Variants in MEGF11 observed in about 807,000 individuals in gnomAD.
The protein encoded by MEGF11 is multiple EGF like domains 11, also known as multiple epidermal growth factor-like domains protein 11.
Under a neutral mutation model 146.6 loss-of-function variants are expected in MEGF11, and 126 were observed. That is an observed-to-expected ratio of 0.86 (90% CI 0.74 to 1.00). The LOEUF is 1.00. MEGF11 is among the 50% of genes least tolerant of loss of function. The pLI, the probability that MEGF11 is intolerant of heterozygous loss-of-function variation, is 0.00. For missense variants in MEGF11, 1,509 were observed against 1,521.2 expected, an observed-to-expected ratio of 0.99 and a Z score of 0.13; for synonymous variants, 532 against 583.4, an observed-to-expected ratio of 0.91 and a Z score of 1.27.
intron 21 of MEGF11, among the ~76,000 whole-genome samples, chr15:65,910,931 G>A (rs2078783021): frequency 6.6e-6 from 1 of 152,198 alleles, no homozygotes; most frequent in African/African-American, 2.4e-5. Context: ...GGTGTCCAGA[G>A]GTATGCAGCA....
chr15:65,997,866 A>G (rs1305773450), intron 5 of MEGF11, among the ~76,000 whole-genome samples: 1 of 152,258 alleles, frequency 6.6e-6, no homozygotes, highest in Non-Finnish European at 1.5e-5. Context: ...GGGAGGCCAG[A>G]GAGGTCGCTC....
At chr15:66,246,777 C>T (rs1385992713) in intron 1 of MEGF11, among the ~76,000 whole-genome samples, 1 of 152,148 alleles carries the variant, frequency 6.6e-6, no homozygotes, top group Non-Finnish European at 1.5e-5. Flanking sequence ...CACCACTGCA[C>T]TCCAGCCTGG....
At chr15:66,166,661 C>T (rs973752619) in intron 1 of MEGF11, among the ~76,000 whole-genome samples, 24 of 151,834 alleles carry the variant, frequency 1.6e-4, no homozygotes, top group African/African-American at 5.6e-4. Flanking sequence ...CCAGCAAGCT[C>T]GTTCCCAGCT....
chr15:66,095,632 G>A (rs2086513678), intron 4 of MEGF11, among the ~76,000 whole-genome samples: 1 of 152,178 alleles, frequency 6.6e-6, no homozygotes, highest in African/African-American at 2.4e-5. Flanking sequence ...CCCCTCCTAA[G>A]CACAGAAACT....
At chr15:66,249,944 G>T (rs2092347698) in intron 1 of MEGF11, among the ~76,000 whole-genome samples, 1 of 152,198 alleles carries the variant, frequency 6.6e-6, no homozygotes, top group Non-Finnish European at 1.5e-5. Flanking sequence ...CCTGTATCAG[G>T]GAACACCTGG....
intron 1 of MEGF11, among the ~76,000 whole-genome samples, chr15:66,245,213 G>A (rs1212008643): frequency 6.6e-6 from 1 of 152,190 alleles, no homozygotes; most frequent in Non-Finnish European, 1.5e-5. Context: ...CAGTGAACAG[G>A]TAGGGACTGG....
chr15:65,986,239 A>C (rs2081853173), intron 5 of MEGF11, among the ~76,000 whole-genome samples: 2 of 152,108 alleles, frequency 1.3e-5, no homozygotes, highest in African/African-American at 4.8e-5. Flanking sequence ...GGCTCAGGAC[A>C]ATGTCTGCAT....
chr15:66,107,349 AGAG>A (rs1372499161), intron 4 of MEGF11, among the ~76,000 whole-genome samples: 4 of 152,326 alleles, frequency 2.6e-5, no homozygotes, highest in Admixed American at 2.0e-4. Flanking sequence ...AGCAAGCATT[AGAG>A]GAGATTTGGG....
chr15:66,162,786 C>T (rs377664636), intron 1 of MEGF11, among the ~76,000 whole-genome samples: 7 of 151,422 alleles, frequency 4.6e-5, no homozygotes, highest in African/African-American at 1.7e-4. Flanking sequence ...CACTTTACTG[C>T]TTATCAGTTG....
At chr15:66,044,395 C>T (rs2084112177) in intron 5 of MEGF11, among the ~76,000 whole-genome samples, 1 of 152,144 alleles carries the variant, frequency 6.6e-6, no homozygotes, top group Admixed American at 6.5e-5. Flanking sequence ...TCTCTGTGCT[C>T]CAGTCCACAT....
chr15:65,974,663 A>G (rs1451318472), intron 7 of MEGF11, among the ~76,000 whole-genome samples: 2 of 152,084 alleles, frequency 1.3e-5, no homozygotes, highest in Admixed American at 1.3e-4. Context: ...TCAAAAGAAA[A>G]AAAGAAAAGT....
At chr15:66,190,836 G>A (rs2090849484) in intron 1 of MEGF11, among the ~76,000 whole-genome samples, 1 of 152,092 alleles carries the variant, frequency 6.6e-6, no homozygotes, top group African/African-American at 2.4e-5. Flanking sequence ...GGCCTAATTT[G>A]CATGTCATTT....
intron 1 of MEGF11, among the ~76,000 whole-genome samples, chr15:66,200,015 A>T (rs1032958576): frequency 6.6e-6 from 1 of 152,266 alleles, no homozygotes; most frequent in African/African-American, 2.4e-5. Flanking sequence ...CTCAAGTTAT[A>T]AGATGAAATG....
At chr15:65,966,064 G>C (rs1351319741) in intron 8 of MEGF11, among the ~76,000 whole-genome samples, 1 of 152,128 alleles carries the variant, frequency 6.6e-6, no homozygotes, top group African/African-American at 2.4e-5. Context: ...GGAATGGCAT[G>C]ATCTTGCTGC....
intron 1 of MEGF11, among the ~76,000 whole-genome samples, chr15:66,253,304 C>G (rs895138370): frequency 6.6e-6 from 1 of 152,188 alleles, no homozygotes; most frequent in African/African-American, 2.4e-5. Context: ...CACGTGGAGG[C>G]GCCGCGGACG....
At chr15:65,923,924 C>T (rs965331848) in intron 13 of MEGF11, among the ~76,000 whole-genome samples, 4 of 152,224 alleles carry the variant, frequency 2.6e-5, no homozygotes, top group African/African-American at 7.2e-5. Context: ...GTCTGACATG[C>T]ATTAGGGAAA....
intron 1 of MEGF11, among the ~76,000 whole-genome samples, chr15:66,132,738 T>C (rs1388171712): frequency 6.6e-6 from 1 of 152,204 alleles, no homozygotes; most frequent in African/African-American, 2.4e-5. Context: ...GTGCCTATAT[T>C]GCTGAACAGG....
At chr15:65,927,789 TGA>T (rs970043008) in intron 13 of MEGF11, among the ~76,000 whole-genome samples, 1 of 151,672 alleles carries the variant, frequency 6.6e-6, no homozygotes, top group African/African-American at 2.4e-5. Flanking sequence ...GTGAACAGAG[TGA>T]GGTGGAGTCA....
chr15:66,044,850 C>CAAAAAAAAAAA (rs140901440), intron 5 of MEGF11, among the ~76,000 whole-genome samples: 2 of 90,700 alleles, frequency 2.2e-5, no homozygotes, highest in African/African-American at 1.0e-4. Flanking sequence ...GACCTTATCT[C>CAAAAAAAAAAA]AAAAAAAAAA....
Sources: allele counts gnomAD v4.1 joint callset (sites outside exome capture counted in the v4.1 genomes callset), GRCh38; gene constraint gnomAD v4.1.1; transcripts MANE v1.5; gene names NCBI Gene and HGNC (gene_info 2026-07-23, HGNC 2026-07-21).